The following HMGN5 variants were observed in gnomAD, a reference collection of about 807,000 sequenced individuals.
The protein encoded by HMGN5 is high mobility group nucleosome binding domain 5.
Under a neutral mutation model 9.5 loss-of-function variants are expected in HMGN5, and 4 were observed. The ratio of observed to expected loss-of-function variants is 0.42; its 90% CI spans 0.21 to 0.96. HMGN5 has a LOEUF of 0.96. Ranked by LOEUF, HMGN5 falls within the 40% of genes least tolerant of loss-of-function variation. HMGN5 has a pLI of 0.30. For synonymous variants in HMGN5, 55 were observed against 57.1 expected, an observed-to-expected ratio of 0.96 and a Z score of 0.16; for missense variants, 192 against 187.5, an observed-to-expected ratio of 1.02 and a Z score of -0.14.
intron 1 of HMGN5, among the ~76,000 whole-genome samples, chrX:81,181,401 A>G (rs1011572501): frequency 3.6e-5 from 4 of 111,638 alleles, no homozygotes; most frequent in Non-Finnish European, 7.5e-5. Context: ...TAATAATCAT[A>G]TTGGTGTAAA....
chrX:81,173,387 A>T (rs1262239761), intron 1 of HMGN5, among the ~76,000 whole-genome samples: 1 of 111,534 alleles, frequency 9.0e-6, no homozygotes, highest in African/African-American at 3.2e-5. Context: ...AAGTAGCCAC[A>T]ATATTGAATA....
intron 1 of HMGN5, among the ~76,000 whole-genome samples, chrX:81,151,359 T>G (rs1279185803): frequency 9.0e-6 from 1 of 111,634 alleles, no homozygotes; most frequent in Non-Finnish European, 1.9e-5. Flanking sequence ...AGCCTTGTAG[T>G]ATAGTTTGAA....
intron 1 of HMGN5, among the ~76,000 whole-genome samples, chrX:81,164,591 C>G (rs911488320): frequency 9.0e-6 from 1 of 111,405 alleles, no homozygotes; most frequent in Non-Finnish European, 1.9e-5. Context: ...AGGTCAATGT[C>G]TCTCTAATTT....
intron 1 of HMGN5, among the ~76,000 whole-genome samples, chrX:81,180,876 A>C (rs1311356429): frequency 8.9e-6 from 1 of 112,052 alleles, no homozygotes; most frequent in African/African-American, 3.2e-5. Flanking sequence ...AGCCATAAAA[A>C]GGATGAGTTC....
At chrX:81,115,262 C>A in intron 6 of HMGN5, 32 bp from the exon 7 acceptor site, 1 of 1,116,259 alleles carries the variant, frequency 9.0e-7, no homozygotes, top group Non-Finnish European at 1.2e-6. Flanking sequence ...AAACAAGATT[C>A]TGTCTGTAAA....
chrX:81,138,192 T>G (rs2075316900), intron 1 of HMGN5, among the ~76,000 whole-genome samples: 1 of 111,804 alleles, frequency 8.9e-6, no homozygotes, highest in Non-Finnish European at 1.9e-5. Context: ...AAGTAGAAAT[T>G]TTTGATAAAA....
At chrX:81,119,930 G>C in intron 2 of HMGN5, 113 bp from the exon 3 acceptor site, 1 of 667,716 alleles carries the variant, frequency 1.5e-6, no homozygotes, top group Non-Finnish European at 2.3e-6. Context: ...ACTTTCTCCT[G>C]GGTTCCTGCT....
chrX:81,141,515 T>A, intron 1 of HMGN5, among the ~76,000 whole-genome samples: 1 of 109,965 alleles, frequency 9.1e-6, no homozygotes, highest in Non-Finnish European at 1.9e-5. Context: ...AGAGACTACT[T>A]TTGTTTAGGA....
At chrX:81,182,987 G>A (rs1028099985) in intron 1 of HMGN5, among the ~76,000 whole-genome samples, 1 of 111,682 alleles carries the variant, frequency 9.0e-6, no homozygotes, top group African/African-American at 3.3e-5. Context: ...CCAAAATGCT[G>A]ATAGTGATAT....
At chrX:81,189,501 A>C (rs2147650582) in intron 1 of HMGN5, among the ~76,000 whole-genome samples, 1 of 112,135 alleles carries the variant, frequency 8.9e-6, no homozygotes, top group African/African-American at 3.2e-5. Flanking sequence ...TTTTCAGACT[A>C]GCTTATTTCA....
chrX:81,121,752 G>T (rs2075269519), intron 1 of HMGN5, 80 bp from the exon 2 acceptor site: 2 of 344,242 alleles, frequency 5.8e-6, no homozygotes, highest in Non-Finnish European at 1.0e-5. Flanking sequence ...TGGTTAACCG[G>T]AGTGGGAGCC....
At position 81,114,843 on chromosome X, in the gene HMGN5, C is replaced by T. The variant is rs1236104257; in HGVS notation, c.655G>A (p.Asp219Asn). The T allele has an allele frequency of 8.7e-7, 1 of 1,153,679 alleles. No individual in the cohort carries two copies. Among genetic ancestry groups the T allele is most frequent in the Non-Finnish European group, 1.2e-6 (1 of 868,551 alleles). The change falls in exon 7 of 7, where the codon GAT (aspartate) becomes AAT (asparagine). Residue 219 changes from aspartate (D) to asparagine (N), a missense_variant. Physicochemically the swap from Asp to Asn is conservative, Grantham distance 23. Transcript: ENST00000358130. ...KENEDGKEKG[D>N]KKEGKDVKVK... ...TTTACATCTTTCCCCTCTTTTTTAT[C>T]TCCCTTCTCTTTTCCATCTTCATTC... is the stretch of plus-strand genomic sequence containing the variant.
chrX:81,125,886 G>T (rs927620597), intron 1 of HMGN5, among the ~76,000 whole-genome samples: 1 of 111,032 alleles, frequency 9.0e-6, no homozygotes, highest in African/African-American at 3.3e-5. Context: ...GGTGGCTCGC[G>T]TCTGTAATCC....
At chrX:81,147,926 G>C (rs746731649) in intron 1 of HMGN5, among the ~76,000 whole-genome samples, 5 of 111,372 alleles carry the variant, frequency 4.5e-5, no homozygotes, top group Non-Finnish European at 9.4e-5. Flanking sequence ...AACTTACAGG[G>C]GATGTGAAGG....
intron 2 of HMGN5, among the ~76,000 whole-genome samples, chrX:81,121,255 C>G (rs1212992845): frequency 9.1e-6 from 1 of 109,509 alleles, no homozygotes; most frequent in Non-Finnish European, 1.9e-5. Context: ...GAAGCGACAG[C>G]CCAGCGCTAT....
chrX:81,155,555 C>T (rs1204834585), intron 1 of HMGN5, among the ~76,000 whole-genome samples: 1 of 110,843 alleles, frequency 9.0e-6, no homozygotes, highest in Non-Finnish European at 1.9e-5. Flanking sequence ...ACATCTATAC[C>T]ATGGAATACT....
chrX:81,197,524 T>A lies in HMGN5; in HGVS notation c.-124+4213A>T, dbSNP rs773162854. Among the ~76,000 whole-genome samples, 3 of 111,395 alleles carry A rather than the reference T, an allele frequency of 2.7e-5. No individual in the cohort carries two copies. The South Asian group carries it at 1.1e-3, about 42-fold the overall frequency. On this transcript the variant is annotated intron_variant, in intron 1 of 6. Coordinates refer to ENST00000358130, the MANE Select transcript of HMGN5 (RefSeq NM_030763.3). Reference sequence around the variant, plus strand: ...GGGAATTTAAAATATTGGAAGGTATTTTATAATACATGAAAAATATCAAAG... The same window carrying A: ...GGGAATTTAAAATATTGGAAGGTATATTATAATACATGAAAAATATCAAAG...
chrX:81,174,193 C>T (rs1008811158), intron 1 of HMGN5, among the ~76,000 whole-genome samples: 2 of 110,400 alleles, frequency 1.8e-5, no homozygotes, highest in Non-Finnish European at 3.8e-5. Context: ...TCATACAGTC[C>T]TTTATTAAAG....
intron 1 of HMGN5, among the ~76,000 whole-genome samples, chrX:81,154,999 T>C (rs771219733): frequency 5.9e-4 from 61 of 103,407 alleles, no homozygotes; most frequent in Non-Finnish European, 1.1e-3. Context: ...CTACCAAAAA[T>C]AGAGCTACTA....
Sources: allele counts gnomAD v4.1 joint callset (sites outside exome capture counted in the v4.1 genomes callset), GRCh38; gene constraint gnomAD v4.1.1; transcripts MANE v1.5; gene names NCBI Gene and HGNC (gene_info 2026-07-23, HGNC 2026-07-21).